ANK3: variants seen among roughly 807,000 people sequenced by gnomAD.
The protein encoded by ANK3 is ankyrin 3.
ANK3 carries 57 observed loss-of-function variants against 370.9 expected under a neutral mutation model. That is an observed-to-expected ratio of 0.15 (90% CI 0.12 to 0.19). The LOEUF (loss-of-function observed/expected upper bound fraction) is 0.19. Among genes scored for constraint, ANK3 ranks in the 10% least tolerant of loss-of-function variants. The probability of loss-of-function intolerance (pLI) is 1.00; values close to 1 mark genes in which losing one functional copy is unlikely to be tolerated. For synonymous variants in ANK3, 1,929 were observed against 1,946.3 expected, an observed-to-expected ratio of 0.99 and a Z score of 0.23; for missense variants, 4,439 against 5,302.1, an observed-to-expected ratio of 0.84 and a Z score of 5.06.
chr10:60,192,134 C>T (rs1460964073), intron 16 of ANK3, among the ~76,000 whole-genome samples: 2 of 151,956 alleles, frequency 1.3e-5, no homozygotes, highest in Admixed American at 6.6e-5. Context: ...CCTCGTGATC[C>T]ACCCGTCTCA....
intron 1 of ANK3, among the ~76,000 whole-genome samples, chr10:60,669,527 A>G (rs11591756): frequency 0.035 from 5,345 of 152,188 alleles, 149 homozygotes; most frequent in Non-Finnish European, 0.056. Flanking sequence ...GAATGTTTTT[A>G]TGATGCTGCC....
intron 2 of ANK3, among the ~76,000 whole-genome samples, chr10:60,588,970 G>A (rs972132018): frequency 1.3e-5 from 2 of 152,064 alleles, no homozygotes; most frequent in Non-Finnish European, 2.9e-5. Flanking sequence ...GGGAGAAAGA[G>A]GAGGTCTGTT....
chr10:60,526,915 G>A (rs1312197901), intron 2 of ANK3, among the ~76,000 whole-genome samples: 2 of 152,088 alleles, frequency 1.3e-5, no homozygotes, highest in Admixed American at 6.6e-5. Context: ...AAATTTTGGT[G>A]TGTCTCCCTA....
chr10:60,622,256 T>C (rs1387076436), intron 1 of ANK3, among the ~76,000 whole-genome samples: 2 of 152,016 alleles, frequency 1.3e-5, no homozygotes, highest in East Asian at 3.9e-4. Context: ...TGAGGCTTTT[T>C]TTTTTTGAGG....
intron 1 of ANK3, among the ~76,000 whole-genome samples, chr10:60,309,509 T>C (rs2045887551): frequency 6.6e-6 from 1 of 152,208 alleles, no homozygotes; most frequent in African/African-American, 2.4e-5. Context: ...TGGGGTTTGA[T>C]TAGCAGAAGA....
Position 60,059,355 on chromosome 10 carries a change from T to G in ANK3, c.12671A>C (p.Asp4224Ala). 1 of 1,613,890 alleles carries G rather than the reference T, an allele frequency of 6.2e-7. No homozygotes were observed. Among genetic ancestry groups the G allele is most frequent in the African/African-American group, 1.3e-5 (1 of 75,040 alleles). Residue 4224 changes from aspartate to alanine, a missense_variant, in exon 41 of 44, where the codon GAT becomes GCT. Physicochemically the swap from Asp to Ala is moderately radical, Grantham distance 126 (BLOSUM62 -2). Transcript: ENST00000280772. ...ACAGCCATACCTGTCATCCAGTCGA[T>G]CTAGTAACCCACCAGTTACTCTTCG... ...QARRVTGGLL[D>A]RLDDSPDQCR...
At chr10:60,291,626 C>T (rs2041418179) in intron 1 of ANK3, among the ~76,000 whole-genome samples, 1 of 152,050 alleles carries the variant, frequency 6.6e-6, no homozygotes, top group African/African-American at 2.4e-5. Flanking sequence ...ATTTTCCAAA[C>T]AAGCAAAGAC....
At chr10:60,570,034 T>C (rs2077554408) in intron 2 of ANK3, among the ~76,000 whole-genome samples, 1 of 152,138 alleles carries the variant, frequency 6.6e-6, no homozygotes, top group Non-Finnish European at 1.5e-5. Flanking sequence ...GTATACATAT[T>C]TTTCAGCAAC....
chr10:60,472,260 C>T (rs2065237832), intron 2 of ANK3, among the ~76,000 whole-genome samples: 1 of 152,146 alleles, frequency 6.6e-6, no homozygotes, highest in African/African-American at 2.4e-5. Flanking sequence ...CAGGATAGCA[C>T]TTTGGTATCA....
chr10:60,088,031 C>T (rs1281413942), intron 29 of ANK3, 116 bp downstream of exon 29: 10 of 801,266 alleles, frequency 1.2e-5, no homozygotes, highest in Middle Eastern at 3.5e-4. Context: ...AAATGATTCC[C>T]CAAACGGCCT....
At chr10:60,461,099 A>G (rs186043771) in intron 2 of ANK3, among the ~76,000 whole-genome samples, 1 of 152,292 alleles carries the variant, frequency 6.6e-6, no homozygotes, top group Non-Finnish European at 1.5e-5. Context: ...GAATGGCCAC[A>G]CTGGCCTTTA....
At chr10:60,200,545 C>G (rs982838821) in intron 12 of ANK3, among the ~76,000 whole-genome samples, 2 of 152,066 alleles carry the variant, frequency 1.3e-5, no homozygotes, top group Non-Finnish European at 2.9e-5. Context: ...GTGAGTGCAG[C>G]TGGGCAGGTG....
intron 1 of ANK3, among the ~76,000 whole-genome samples, chr10:60,694,719 G>A (rs1264741938): frequency 6.6e-6 from 1 of 151,774 alleles, no homozygotes; most frequent in Non-Finnish European, 1.5e-5. Flanking sequence ...TCACCACCAG[G>A]CCTGCCCTAA....
chr10:60,143,287 C>T (rs2094652563), intron 23 of ANK3, among the ~76,000 whole-genome samples: 1 of 152,090 alleles, frequency 6.6e-6, no homozygotes, highest in Non-Finnish European at 1.5e-5. Context: ...ATGAACAAAA[C>T]ATTCTATCAT....
intron 1 of ANK3, among the ~76,000 whole-genome samples, chr10:60,359,548 G>A (rs1200442455): frequency 6.6e-6 from 1 of 152,172 alleles, no homozygotes; most frequent in African/African-American, 2.4e-5. Flanking sequence ...GTATTCTTAA[G>A]TTCAGATTAT....
At chr10:60,665,556 A>G (rs2078985790) in intron 1 of ANK3, among the ~76,000 whole-genome samples, 1 of 152,210 alleles carries the variant, frequency 6.6e-6, no homozygotes, top group African/African-American at 2.4e-5. Context: ...ATTCTAGACA[A>G]AACATACTTA....
rs147209108 is a variant in ANK3, at chr10:60,074,889, G to C, written c.5992C>G (p.Arg1998Gly). 6.2e-7 allele frequency: 1 copy of C among 1,613,766 alleles called. No individual in the cohort carries two copies. Reference sequence around the variant, plus strand: ...GCAGCAGCTTGTTGTCTGGCTTCCCGGATTTCTTCCGAACTAAATTCTATC... The same window carrying C: ...GCAGCAGCTTGTTGTCTGGCTTCCCCGATTTCTTCCGAACTAAATTCTATC... ...DWIEFSSEEI[R>G]EARQQAAASQ... The change falls in exon 37 of 44, where the codon CGG (arginine) becomes GGG (glycine). Residue 1998 changes from arginine (R) to glycine (G), a missense_variant. This residue lies in a region of ANK3 where 679 missense variants were observed against 791.0 expected (regional missense o/e 0.86). Coordinates refer to ENST00000280772, the MANE Select transcript of ANK3 (RefSeq NM_020987.5).
At chr10:60,421,221 G>A (rs1390710616) in intron 2 of ANK3, among the ~76,000 whole-genome samples, 1 of 152,026 alleles carries the variant, frequency 6.6e-6, no homozygotes, top group Non-Finnish European at 1.5e-5. Context: ...TTTATGTTTG[G>A]GGTGATAAAA....
intron 2 of ANK3, among the ~76,000 whole-genome samples, chr10:60,417,497 T>C (rs1354850187): frequency 6.6e-6 from 1 of 152,204 alleles, no homozygotes; most frequent in African/African-American, 2.4e-5. Context: ...TATAAAATAG[T>C]CCTGATCTCA....
Sources: allele counts gnomAD v4.1 joint callset (sites outside exome capture counted in the v4.1 genomes callset), GRCh38; gene constraint gnomAD v4.1.1; regional missense constraint gnomAD v4.1.1; transcripts MANE v1.5; gene names NCBI Gene and HGNC (gene_info 2026-07-23, HGNC 2026-07-21).